ITGB1BP1: variants seen among roughly 807,000 people sequenced by gnomAD.
The protein encoded by ITGB1BP1 is integrin subunit beta 1 binding protein 1.
A neutral mutation model predicts 28.0 loss-of-function variants in ITGB1BP1; 20 were observed. That is an observed-to-expected ratio of 0.71 (90% CI 0.50 to 1.04). The LOEUF (loss-of-function observed/expected upper bound fraction) is 1.04. Among genes scored for constraint, ITGB1BP1 ranks in the 50% least tolerant of loss-of-function variants. ITGB1BP1 has a pLI of 0.00. For synonymous variants in ITGB1BP1, 103 were observed against 89.5 expected, an observed-to-expected ratio of 1.15 and a Z score of -0.85; for missense variants, 228 against 242.5, an observed-to-expected ratio of 0.94 and a Z score of 0.40.
chr2:9,418,806 T>C (rs1679460659), intron 1 of ITGB1BP1, 74 bp from the exon 2 acceptor site: 1 of 1,052,504 alleles, frequency 9.5e-7, no homozygotes, highest in Non-Finnish European at 1.4e-6. Flanking sequence ...AGAGACAGAG[T>C]CTTGCTCTTA....
intron 1 of ITGB1BP1, among the ~76,000 whole-genome samples, chr2:9,421,752 T>A (rs1679888072): frequency 1.3e-5 from 2 of 151,978 alleles, no homozygotes; most frequent in African/African-American, 4.8e-5. Context: ...GGCGATTGGA[T>A]GCTCCGCAGG....
chr2:9,406,939 T>C (rs753767049), intron 6 of ITGB1BP1, 34 bp from the exon 7 acceptor site: 15 of 1,492,992 alleles, frequency 1.0e-5, no homozygotes, highest in Middle Eastern at 3.4e-4. Flanking sequence ...AAGAGCAACA[T>C]TCATCTGTCT....
intron 2 of ITGB1BP1, 83 bp downstream of exon 2, chr2:9,418,543 G>A (rs1679423375): frequency 1.1e-6 from 1 of 943,948 alleles, no homozygotes; most frequent in East Asian, 2.4e-5. Context: ...TCTGCCCACG[G>A]TCAGTATCCT....
Position 9,408,124 on chromosome 2 carries a change from A to G in ITGB1BP1, c.370T>C (p.Ser124Pro). Residue 124 changes from serine to proline, a missense_variant, in exon 5 of 7, where the codon TCA becomes CCA. Around this residue, in one of 2 missense-constraint regions of ITGB1BP1, gnomAD observed 192 missense variants for 181.6 expected, o/e 1.06. Coordinates refer to ENST00000355346, the MANE Select transcript of ITGB1BP1 (RefSeq NM_004763.5). The part of the protein sequence containing the change: ...VSKYGIKVST[S>P]DQYDVLHRHA... ...ATTATATTACTTACATATTGATCTGATGTTGATACTTTTATGCCATACTTG... is the reference window on the plus strand; with the variant it reads ...ATTATATTACTTACATATTGATCTGGTGTTGATACTTTTATGCCATACTTG... The G allele has an allele frequency of 6.6e-7, 1 of 1,522,688 alleles. No homozygotes were observed. The highest frequency in any genetic ancestry group is 9.1e-7 in the Non-Finnish European group (1 of 1,098,248). The allele number at this position is 1,522,688 out of a possible 1,614,324, so 94.3% of individuals were successfully genotyped here. A position where few individuals can be genotyped will look rare whatever the true frequency, so the allele number is the denominator to read the frequency against.
intron 2 of ITGB1BP1, 22 bp from the exon 3 acceptor site, chr2:9,414,278 A>T: frequency 6.3e-7 from 1 of 1,595,302 alleles, no homozygotes; most frequent in Non-Finnish European, 8.6e-7. Flanking sequence ...AAAAACAAGT[A>T]AAAAACCTCC....
At chr2:9,409,894 G>T in intron 4 of ITGB1BP1, among the ~76,000 whole-genome samples, 1 of 149,404 alleles carries the variant, frequency 6.7e-6, no homozygotes, top group South Asian at 2.1e-4. Flanking sequence ...GCCCAGGCTG[G>T]AGTGCAATGG....
At chr2:9,422,782 T>G in intron 1 of ITGB1BP1, 1 of 985,830 alleles carries the variant, frequency 1.0e-6, no homozygotes, top group Non-Finnish European at 1.2e-6. Flanking sequence ...CAGATCCCTC[T>G]CACCCTCACC....
chr2:9,415,850 C>T lies in ITGB1BP1; in HGVS notation c.73-1594G>A, dbSNP rs1000418779. ...CCCTGACTGGAAACTGAGTGGCAGT[C>T]GTGTGTCTTTGTCTCATTCACATGT... On this transcript the variant is annotated intron_variant, in intron 2 of 6. Transcript: ENST00000355346. The surrounding 1 kb of genome is among the most constrained non-coding windows in gnomAD (Gnocchi z 4.1). 6.6e-6 allele frequency among the ~76,000 whole-genome samples: 1 copy of T among 152,184 alleles called. No individual in the cohort carries two copies. Among genetic ancestry groups the T allele is most frequent in the African/African-American group, 2.4e-5 (1 of 41,436 alleles).
In ITGB1BP1 at chr2:9,403,580, T is replaced by C. The variant is rs745475636; in HGVS notation, c.*3254A>G. Reference sequence around the variant, plus strand: ...TCCCAACAGGTGAACTGAAAAGTTATTTTAACTATTATACATAATCAAGAT... The same window carrying C: ...TCCCAACAGGTGAACTGAAAAGTTACTTTAACTATTATACATAATCAAGAT... On this transcript the variant is annotated 3_prime_UTR_variant, in exon 7 of 7. Transcript: ENST00000355346. 1 of 487,782 alleles carries C rather than the reference T, an allele frequency of 2.1e-6. No homozygotes were observed. Among genetic ancestry groups the C allele is most frequent in the Non-Finnish European group, 3.6e-6 (1 of 275,396 alleles). 30.2% of individuals were successfully genotyped at this position (487,782 alleles called of 1,614,324 possible).
intron 4 of ITGB1BP1, among the ~76,000 whole-genome samples, chr2:9,409,914 G>C (rs930759411): frequency 6.9e-6 from 1 of 145,734 alleles, no homozygotes; most frequent in African/African-American, 2.5e-5. Context: ...GCGCGATCTC[G>C]GCTCACTGCA....
rs1679443953 is a variant in ITGB1BP1 at position 9,418,700 on chromosome 2, T to C, written c.-3A>G. 1 of 1,614,144 alleles carries C rather than the reference T, an allele frequency of 6.2e-7. No individual in the cohort carries two copies. The highest frequency in any genetic ancestry group is 8.5e-7 in the Non-Finnish European group (1 of 1,179,962). On this transcript the variant is annotated 5_prime_UTR_variant, in exon 2 of 7. Transcript: ENST00000355346. ...CGTTTTTTGCCCTTGCGAAACATTT[T>C]TCACCACCATTGCTTGATCCAGAGA...
intron 2 of ITGB1BP1, among the ~76,000 whole-genome samples, chr2:9,417,701 G>A (rs942260553): frequency 6.6e-6 from 1 of 152,178 alleles, no homozygotes; most frequent in Non-Finnish European, 1.5e-5. Flanking sequence ...TTACAGGCAT[G>A]AGCCACCGTG....
intron 4 of ITGB1BP1, among the ~76,000 whole-genome samples, chr2:9,410,748 TG>T (rs769081534): frequency 4.6e-5 from 7 of 152,094 alleles, no homozygotes; most frequent in Non-Finnish European, 8.8e-5. Context: ...CAATTAAAAT[TG>T]TTTTTTTTGT....
At chr2:9,408,238 T>C (rs1677810419) in intron 4 of ITGB1BP1, 33 bp from the exon 5 acceptor site, 1 of 1,292,388 alleles carries the variant, frequency 7.7e-7, no homozygotes, top group African/African-American at 1.5e-5. Flanking sequence ...ATGATAAAGA[T>C]TAAAATTACA....
chr2:9,422,878 T>G (rs899301885), intron 1 of ITGB1BP1: 1 of 985,686 alleles, frequency 1.0e-6, no homozygotes, highest in Non-Finnish European at 1.2e-6. Flanking sequence ...CTGCCCAGGG[T>G]CACCAGAGTA....
intron 4 of ITGB1BP1, among the ~76,000 whole-genome samples, chr2:9,411,177 G>C (rs564242740): frequency 6.6e-6 from 1 of 151,972 alleles, no homozygotes; most frequent in African/African-American, 2.4e-5. Flanking sequence ...TTTCCTTCAT[G>C]ATGATGATTT....
rs113906217 is a variant in ITGB1BP1 at position 9,409,526 on chromosome 2, TC to T, written c.289-1322del. Among the ~76,000 whole-genome samples the T allele has an allele frequency of 2.1e-3, 323 of 152,320 alleles. 1 individual carries two copies. Among genetic ancestry groups the T allele is most frequent in the African/African-American group, 7.3e-3 (302 of 41,570 alleles). ...TATTTTTGAGGGGAAGAATTATTAA[TC>T]TTTCAGTACAACACTTAGACTGGTT... On this transcript the variant is annotated intron_variant, in intron 4 of 6. Coordinates refer to ENST00000355346, the MANE Select transcript of ITGB1BP1 (RefSeq NM_004763.5).
chr2:9,418,716 G>T lies in ITGB1BP1; in HGVS notation c.-19C>A, dbSNP rs1679447174. 5 of 1,611,434 alleles carry T rather than the reference G, an allele frequency of 3.1e-6. No individual in the cohort carries two copies. Among genetic ancestry groups the T allele is most frequent in the Non-Finnish European group, 4.2e-6 (5 of 1,178,476 alleles). Reference sequence around the variant, plus strand: ...GAAACATTTTTCACCACCATTGCTTGATCCAGAGAAGATCCCCTGAAAAAA... The same window carrying T: ...GAAACATTTTTCACCACCATTGCTTTATCCAGAGAAGATCCCCTGAAAAAA... On this transcript the variant is annotated 5_prime_UTR_variant, in exon 2 of 7. Transcript: ENST00000355346.
intron 1 of ITGB1BP1, among the ~76,000 whole-genome samples, chr2:9,421,787 A>C (rs960239562): frequency 6.6e-6 from 1 of 152,070 alleles, no homozygotes; most frequent in African/African-American, 2.4e-5. Context: ...AGATGTCTCA[A>C]GCTGAACCCA....
Sources: gnomAD v4.1 joint callset for allele counts (sites outside exome capture counted in the v4.1 genomes callset) on GRCh38, gnomAD v4.1.1 for gene constraint, gnomAD v4.1.1 regional missense constraint, Gnocchi (gnomAD v3.1) non-coding constraint, MANE v1.5 for transcripts, NCBI Gene and HGNC (gene_info 2026-07-23, HGNC 2026-07-21) for gene names.